RCOR1: variants seen among roughly 807,000 people sequenced by gnomAD.
RCOR1 encodes the protein REST corepressor 1.
RCOR1 carries 12 observed loss-of-function variants against 64.0 expected under a neutral mutation model. The observed-to-expected ratio is 0.19, with a 90% confidence interval of 0.12 to 0.30. The LOEUF (loss-of-function observed/expected upper bound fraction) is 0.30. RCOR1 is among the 10% of genes least tolerant of loss of function. The pLI is 1.00. For missense variants in RCOR1, 502 were observed against 621.2 expected (o/e 0.81, Z 2.04); for synonymous variants, 279 against 227.2 (o/e 1.23, Z -2.05).
chr14:102,608,456 A>G (rs1893561332), intron 2 of RCOR1, among the ~76,000 whole-genome samples: 1 of 151,836 alleles, frequency 6.6e-6, no homozygotes, highest in Non-Finnish European at 1.5e-5. Flanking sequence ...GTTTTTTGAG[A>G]TGGAGTCTTG....
intron 8 of RCOR1, among the ~76,000 whole-genome samples, chr14:102,719,089 C>T (rs1566713814): frequency 6.6e-6 from 1 of 152,034 alleles, no homozygotes; most frequent in Non-Finnish European, 1.5e-5. Context: ...ACTGCACTAG[C>T]ATAATTTTTT....
intron 3 of RCOR1, among the ~76,000 whole-genome samples, chr14:102,691,796 G>A (rs777787092): frequency 3.9e-5 from 6 of 152,128 alleles, no homozygotes; most frequent in South Asian, 2.1e-4. Context: ...ACAGAAAAAC[G>A]TTTCATTGTG....
At chr14:102,598,924 G>C (rs1893326235) in intron 2 of RCOR1, among the ~76,000 whole-genome samples, 1 of 151,846 alleles carries the variant, frequency 6.6e-6, no homozygotes, top group African/African-American at 2.4e-5. Flanking sequence ...TTTAACTTAG[G>C]CTTTGTTCTT....
chr14:102,609,025 C>CTTTTTTTTTTTTTTTTT, intron 2 of RCOR1, among the ~76,000 whole-genome samples: 1 of 107,004 alleles, frequency 9.3e-6, no homozygotes, highest in Non-Finnish European at 1.9e-5. Context: ...CTGTGCTTCA[C>CTTTTTTTTTTTTTTTTT]TTTTTTTTTT....
intron 3 of RCOR1, among the ~76,000 whole-genome samples, chr14:102,687,965 T>C (rs966615159): frequency 1.9e-5 from 1 of 53,098 alleles, no homozygotes; most frequent in Non-Finnish European, 3.1e-5. Flanking sequence ...TAGCATTTCC[T>C]TTTTTTTTTT....
At chr14:102,666,000 G>C (rs1894910559) in intron 2 of RCOR1, among the ~76,000 whole-genome samples, 1 of 152,212 alleles carries the variant, frequency 6.6e-6, no homozygotes, top group African/African-American at 2.4e-5. Flanking sequence ...AACTGTGATA[G>C]AGAAGGTGTC....
At chr14:102,605,322 A>G (rs1157261595) in intron 2 of RCOR1, among the ~76,000 whole-genome samples, 3 of 152,156 alleles carry the variant, frequency 2.0e-5, no homozygotes, top group Non-Finnish European at 4.4e-5. Context: ...GTATGTTGAA[A>G]TAGTCATCTT....
chr14:102,691,262 G>A (rs143199439), intron 3 of RCOR1, among the ~76,000 whole-genome samples: 1 of 149,108 alleles, frequency 6.7e-6, no homozygotes, highest in East Asian at 2.1e-4. Flanking sequence ...AACATTGGGT[G>A]CACATGGCCA....
intron 2 of RCOR1, among the ~76,000 whole-genome samples, chr14:102,658,282 TA>T (rs1174406989): frequency 6.6e-6 from 1 of 152,020 alleles, no homozygotes; most frequent in Non-Finnish European, 1.5e-5. Context: ...GCCTTCTTTT[TA>T]AAAAAGGTTT....
chr14:102,647,761 C>T (rs902171399), intron 2 of RCOR1, among the ~76,000 whole-genome samples: 2 of 152,240 alleles, frequency 1.3e-5, no homozygotes, highest in Non-Finnish European at 2.9e-5. Flanking sequence ...TCATTGCAGC[C>T]TCCGCCTCCC....
At chr14:102,704,665 C>T (rs978981579) in intron 4 of RCOR1, among the ~76,000 whole-genome samples, 1 of 152,196 alleles carries the variant, frequency 6.6e-6, no homozygotes, top group Non-Finnish European at 1.5e-5. Context: ...CTCCTGACCT[C>T]GTGATCCACT....
chr14:102,697,767 T>A (rs928398524), intron 3 of RCOR1, among the ~76,000 whole-genome samples: 1 of 150,502 alleles, frequency 6.6e-6, no homozygotes, highest in Non-Finnish European at 1.5e-5. Flanking sequence ...GTTGCCCAGG[T>A]TGGAATGCAG....
At chr14:102,674,379 A>G (rs1487268991) in intron 2 of RCOR1, among the ~76,000 whole-genome samples, 1 of 152,224 alleles carries the variant, frequency 6.6e-6, no homozygotes, top group Non-Finnish European at 1.5e-5. Context: ...TTCCATGTGC[A>G]CCAGAGACTT....
chr14:102,600,248 C>T (rs572002446), intron 2 of RCOR1, among the ~76,000 whole-genome samples: 21 of 151,250 alleles, frequency 1.4e-4, no homozygotes, highest in East Asian at 9.8e-4. Flanking sequence ...CCACCACGCC[C>T]GGCTAATTTT....
intron 2 of RCOR1, among the ~76,000 whole-genome samples, chr14:102,662,904 C>G (rs928583942): frequency 5.9e-5 from 9 of 152,104 alleles, no homozygotes; most frequent in Non-Finnish European, 1.0e-4. Context: ...GCTAGAGGCT[C>G]GGGTAAACAT....
intron 2 of RCOR1, among the ~76,000 whole-genome samples, chr14:102,639,611 G>T (rs1050634426): frequency 6.6e-6 from 1 of 150,604 alleles, no homozygotes; most frequent in African/African-American, 2.5e-5. Context: ...TTGGCTCTTT[G>T]TATCTTCCTC....
At chr14:102,619,506 G>A (rs976995053) in intron 2 of RCOR1, among the ~76,000 whole-genome samples, 1 of 145,102 alleles carries the variant, frequency 6.9e-6, no homozygotes. Flanking sequence ...TTGGAGTCAG[G>A]TTCTTGCTCT....
chr14:102,656,761 A>G (rs1387693167), intron 2 of RCOR1, among the ~76,000 whole-genome samples: 2 of 149,646 alleles, frequency 1.3e-5, no homozygotes, highest in Non-Finnish European at 3.0e-5. Context: ...GCACCTGCTC[A>G]GAAAAGGTTT....
At chr14:102,653,980 T>G (rs1353830934) in intron 2 of RCOR1, among the ~76,000 whole-genome samples, 1 of 41,390 alleles carries the variant, frequency 2.4e-5, no homozygotes, top group East Asian at 5.6e-4. Flanking sequence ...TCTTTCTTTC[T>G]TTCTTTTTTT....
Sources: gnomAD v4.1 joint callset for allele counts (sites outside exome capture counted in the v4.1 genomes callset) on GRCh38, gnomAD v4.1.1 for gene constraint, MANE v1.5 for transcripts, NCBI Gene and HGNC (gene_info 2026-07-23, HGNC 2026-07-21) for gene names.